The following SLC13A4 variants were observed in gnomAD, a reference collection of about 807,000 sequenced individuals.
SLC13A4 encodes Na(+)/sulfate cotransporter SUT-1.
Under a neutral mutation model 72.7 loss-of-function variants are expected in SLC13A4, and 28 were observed. The observed-to-expected ratio is 0.39, with a 90% confidence interval of 0.29 to 0.53. The LOEUF is 0.53. Among genes scored for constraint, SLC13A4 ranks in the 20% least tolerant of loss-of-function variants. SLC13A4 has a pLI of 0.78. For synonymous variants in SLC13A4, 312 were observed against 325.5 expected, an observed-to-expected ratio of 0.96 and a Z score of 0.45; for missense variants, 653 against 788.0, an observed-to-expected ratio of 0.83 and a Z score of 2.05.
At chr7:135,692,620 T>TGG (rs1795816026) in intron 10 of SLC13A4, 196 bp from the exon 11 acceptor site, 5 of 560,592 alleles carry the variant, frequency 8.9e-6, no homozygotes, top group Non-Finnish European at 1.6e-5. Flanking sequence ...ACATTAACCA[T>TGG]GTTCCTGGAG....
chr7:135,705,463 G>A, intron 5 of SLC13A4, 133 bp downstream of exon 5: 1 of 769,740 alleles, frequency 1.3e-6, no homozygotes, highest in South Asian at 1.7e-5. Flanking sequence ...GGCGGGGTGG[G>A]GGGGTGGTGT....
chr7:135,692,329 A>G lies in SLC13A4; in HGVS notation c.1217T>C (p.Phe406Ser). The change falls in exon 11 of 16, where the codon TTT (phenylalanine) becomes TCT (serine). Residue 406 changes from phenylalanine to serine, a missense_variant. Phe to Ser is a radical substitution (Grantham distance 155, BLOSUM62 -2). Coordinates refer to ENST00000682651, the MANE Select transcript of SLC13A4 (RefSeq NM_001318192.2). ...PGFVPGWDSFFEKKGYRTDAT... is the reference protein window; with the variant it reads ...PGFVPGWDSFSEKKGYRTDAT... ...AGGAAATGATATCACTTACTTTTCA[A>G]AGAAAGAATCCCAGCCAGGGACAAA... 1 of 1,611,836 alleles carries G rather than the reference A, an allele frequency of 6.2e-7. No individual in the cohort carries two copies. Among genetic ancestry groups the G allele is most frequent in the Non-Finnish European group, 8.5e-7 (1 of 1,178,024 alleles).
chr7:135,706,666 G>C (rs115911011), intron 3 of SLC13A4, among the ~76,000 whole-genome samples: 107 of 152,320 alleles, frequency 7.0e-4, no homozygotes, highest in African/African-American at 2.5e-3. Flanking sequence ...GTGTGTGGAA[G>C]GCAATACTTT....
chr7:135,721,390 C>G lies in SLC13A4; in HGVS notation c.228+5G>C. 3 of 1,613,792 alleles carry G rather than the reference C, an allele frequency of 1.9e-6. No individual in the cohort carries two copies. Among genetic ancestry groups the G allele is most frequent in the Non-Finnish European group, 2.5e-6 (3 of 1,179,836 alleles). On this transcript the variant is annotated splice_donor_5th_base_variant and intron_variant, in intron 2 of 15. Coordinates refer to ENST00000682651, the MANE Select transcript of SLC13A4 (RefSeq NM_001318192.2). Reference sequence around the variant, plus strand: ...GGCAGGGGGTGGGGCTACAAGTAGTCTAACCTCATTGGACCGGAGGACTCC... The same window carrying G: ...GGCAGGGGGTGGGGCTACAAGTAGTGTAACCTCATTGGACCGGAGGACTCC...
chr7:135,687,320 AAGGTG>A (rs999024478), intron 13 of SLC13A4, among the ~76,000 whole-genome samples: 1 of 152,224 alleles, frequency 6.6e-6, no homozygotes, highest in East Asian at 1.9e-4. Context: ...GACAGAAAGG[AAGGTG>A]AGACATTTAT....
chr7:135,717,284 T>C (rs1471536582), intron 2 of SLC13A4, among the ~76,000 whole-genome samples: 1 of 152,230 alleles, frequency 6.6e-6, no homozygotes, highest in Non-Finnish European at 1.5e-5. Flanking sequence ...CCTGGAAATT[T>C]TGAAGGCTCC....
At chr7:135,691,031 G>A (rs1261656575) in intron 13 of SLC13A4, among the ~76,000 whole-genome samples, 170 bp downstream of exon 13, 4 of 152,090 alleles carry the variant, frequency 2.6e-5, no homozygotes, top group Non-Finnish European at 4.4e-5. Flanking sequence ...TGGCATCATG[G>A]TGCACGCCTG....
At chr7:135,688,447 A>G (rs1382731512) in intron 13 of SLC13A4, among the ~76,000 whole-genome samples, 5 of 152,014 alleles carry the variant, frequency 3.3e-5, no homozygotes, top group East Asian at 1.9e-4. Flanking sequence ...AGTAGAGACA[A>G]CGTTTCACCA....
chr7:135,692,152 C>A (rs1795802281), intron 11 of SLC13A4, 171 bp downstream of exon 11: 3 of 629,814 alleles, frequency 4.8e-6, no homozygotes, highest in Non-Finnish European at 8.4e-6. Flanking sequence ...GACCGGGACT[C>A]CAAAGAGTGT....
chr7:135,698,796 A>G (rs558241997), intron 8 of SLC13A4, among the ~76,000 whole-genome samples: 1 of 150,956 alleles, frequency 6.6e-6, no homozygotes, highest in South Asian at 2.1e-4. Context: ...CACCACACCC[A>G]GCTCATTTTT....
In SLC13A4 at chr7:135,691,445, G is replaced by A; in HGVS notation, c.1321+103C>T. 8 of 696,230 alleles carry A rather than the reference G, an allele frequency of 1.1e-5. No homozygotes were observed. The East Asian group carries it at 1.3e-4, about 12-fold the overall frequency. The allele number at this position is 696,230 out of a possible 1,614,324, so 43.1% of individuals were successfully genotyped here. On this transcript the variant is annotated intron_variant, in intron 12 of 15. Coordinates refer to ENST00000682651, the MANE Select transcript of SLC13A4 (RefSeq NM_001318192.2). Reference sequence around the variant, plus strand: ...TGCTATTTGGGGCGGGGGCCGGGAGGGGGGTGGGAATCTGAAGGACCTTGG... The same window carrying A: ...TGCTATTTGGGGCGGGGGCCGGGAGAGGGGTGGGAATCTGAAGGACCTTGG...
intron 2 of SLC13A4, among the ~76,000 whole-genome samples, chr7:135,720,377 A>G (rs1311444934): frequency 1.3e-5 from 2 of 152,108 alleles, no homozygotes; most frequent in African/African-American, 4.8e-5. Context: ...CCTATCTGTA[A>G]AATGGAAATA....
At chr7:135,702,525 A>G (rs912303873) in intron 6 of SLC13A4, 2 of 284,744 alleles carry the variant, frequency 7.0e-6, no homozygotes, top group African/African-American at 4.4e-5. Flanking sequence ...ACCGGTGCCC[A>G]TCACCACTCC....
intron 8 of SLC13A4, among the ~76,000 whole-genome samples, chr7:135,696,983 T>G (rs1382718337): frequency 6.6e-6 from 1 of 152,242 alleles, no homozygotes; most frequent in African/African-American, 2.4e-5. Context: ...CCGTTAAATA[T>G]GTGAGCTTAA....
chr7:135,722,971 GT>G (rs1314085375), intron 1 of SLC13A4, among the ~76,000 whole-genome samples: 2 of 152,178 alleles, frequency 1.3e-5, no homozygotes, highest in Admixed American at 1.3e-4. Flanking sequence ...GGGCCACATA[GT>G]TTCTTCTTGC....
chr7:135,685,815 A>T (rs1306172411), intron 13 of SLC13A4, 132 bp from the exon 14 acceptor site: 13 of 771,312 alleles, frequency 1.7e-5, no homozygotes, highest in Non-Finnish European at 2.7e-5. Flanking sequence ...GTCTGACTGG[A>T]ACCAGAGGTG....
In SLC13A4 at chr7:135,727,355, C is replaced by T. The variant is rs1446933572; in HGVS notation, c.99+43G>A. 52 of 1,540,434 alleles carry T rather than the reference C, an allele frequency of 3.4e-5. No homozygotes were observed. The East Asian group carries it at 1.2e-3, about 35-fold the overall frequency. ...CTACCGACCTCCCCTCTTTGCCCTCCCACTGACTCCCAGACCCCCGGTGGG... is the reference window on the plus strand; with the variant it reads ...CTACCGACCTCCCCTCTTTGCCCTCTCACTGACTCCCAGACCCCCGGTGGG... On this transcript the variant is annotated intron_variant, in intron 1 of 15. Transcript: ENST00000682651.
intron 2 of SLC13A4, among the ~76,000 whole-genome samples, chr7:135,713,782 G>C (rs192817363): frequency 1.3e-5 from 2 of 152,184 alleles, no homozygotes. Flanking sequence ...TCGCCATGTT[G>C]GCCAGGCTGG....
At chr7:135,722,988 G>T (rs562951675) in intron 1 of SLC13A4, among the ~76,000 whole-genome samples, 1 of 152,232 alleles carries the variant, frequency 6.6e-6, no homozygotes, top group African/African-American at 2.4e-5. Flanking sequence ...CTTGCAGGGG[G>T]GCTGTCCTGT....
Sources: allele counts gnomAD v4.1 joint callset (sites outside exome capture counted in the v4.1 genomes callset), GRCh38; gene constraint gnomAD v4.1.1; transcripts MANE v1.5; gene names NCBI Gene and HGNC (gene_info 2026-07-23, HGNC 2026-07-21).